The following MAGI3 variants were observed in gnomAD, a reference collection of about 807,000 sequenced individuals.
The protein encoded by MAGI3 is membrane associated guanylate kinase, WW and PDZ domain containing 3, also known as membrane-associated guanylate kinase, WW and PDZ domain-containing protein 3.
A neutral mutation model predicts 121.8 loss-of-function variants in MAGI3; 43 were observed. The ratio of observed to expected loss-of-function variants is 0.35; its 90% CI spans 0.28 to 0.46. The LOEUF (loss-of-function observed/expected upper bound fraction) is 0.46, where lower values mean the gene tolerates loss of function less well. Ranked by LOEUF, MAGI3 falls within the 20% of genes least tolerant of loss-of-function variation. The pLI, the probability that MAGI3 is intolerant of heterozygous loss-of-function variation, is 1.00. For missense variants in MAGI3, 1,547 were observed against 1,797.3 expected, an observed-to-expected ratio of 0.86 and a Z score of 2.52; for synonymous variants, 553 against 639.3, an observed-to-expected ratio of 0.86 and a Z score of 2.04.
At chr1:113,508,676 C>T (rs1044638067) in intron 1 of MAGI3, among the ~76,000 whole-genome samples, 4 of 152,132 alleles carry the variant, frequency 2.6e-5, no homozygotes, top group Admixed American at 1.3e-4. Context: ...TAGTGCTATT[C>T]CTTGTTCTTT....
intron 1 of MAGI3, among the ~76,000 whole-genome samples, chr1:113,528,878 A>G (rs897299988): frequency 2.6e-5 from 4 of 152,230 alleles, no homozygotes; most frequent in African/African-American, 7.2e-5. Flanking sequence ...AATATATGCC[A>G]ATAAGAATGT....
intron 1 of MAGI3, among the ~76,000 whole-genome samples, chr1:113,411,816 A>C (rs2101336660): frequency 6.6e-6 from 1 of 152,152 alleles, no homozygotes. Flanking sequence ...GTTTAAAAAG[A>C]GAGAAGACAG....
chr1:113,517,308 CTT>C (rs1303686775), intron 1 of MAGI3, among the ~76,000 whole-genome samples: 1 of 151,616 alleles, frequency 6.6e-6, no homozygotes, highest in Non-Finnish European at 1.5e-5. Context: ...AAATCTAAAA[CTT>C]TTCTAAAATA....
At chr1:113,638,640 A>G (rs531900675) in intron 9 of MAGI3, among the ~76,000 whole-genome samples, 6 of 152,222 alleles carry the variant, frequency 3.9e-5, no homozygotes, top group South Asian at 4.1e-4. Flanking sequence ...GTCTGCCCCT[A>G]CTGGGGGGTG....
intron 1 of MAGI3, among the ~76,000 whole-genome samples, chr1:113,474,273 T>C (rs141343423): frequency 1.3e-5 from 2 of 152,230 alleles, no homozygotes; most frequent in African/African-American, 4.8e-5. Context: ...TTTAATTAGA[T>C]CCCATTTGTC....
chr1:113,485,108 T>C (rs1016037249), intron 1 of MAGI3, among the ~76,000 whole-genome samples: 5 of 152,158 alleles, frequency 3.3e-5, no homozygotes, highest in African/African-American at 1.2e-4. Flanking sequence ...AACTGCAAAT[T>C]GTGCGCTATA....
chr1:113,479,666 CATT>C (rs1656020173), intron 1 of MAGI3, among the ~76,000 whole-genome samples: 1 of 152,120 alleles, frequency 6.6e-6, no homozygotes, highest in Non-Finnish European at 1.5e-5. Context: ...TGGTTTTCAT[CATT>C]ATTTCTTTAA....
intron 14 of MAGI3, among the ~76,000 whole-genome samples, chr1:113,651,546 G>A (rs1371419122): frequency 6.6e-6 from 1 of 152,176 alleles, no homozygotes; most frequent in Non-Finnish European, 1.5e-5. Flanking sequence ...AGGCTAGAGT[G>A]CAGTGGTATG....
chr1:113,683,683 A>T lies in MAGI3; in HGVS notation c.4115A>T (p.Asn1372Ile). 2 of 1,604,946 alleles carry T rather than the reference A, an allele frequency of 1.2e-6. No homozygotes were observed. The highest frequency in any genetic ancestry group is 1.7e-6 in the Non-Finnish European group (2 of 1,175,520). ...AAATCTCTTCCATCCAAAATGACTA[A>T]TAAGACTACAAGTAAAGAAGTATCT... is the stretch of plus-strand genomic sequence containing the variant. ...VEKSLPSKMT[N>I]KTTSKEVSEN... Residue 1372 changes from asparagine (N) to isoleucine (I), a missense_variant, in exon 21 of 21, where the codon AAT becomes ATT. Asn to Ile is a moderately radical substitution (Grantham distance 149). Transcript: ENST00000307546.
chr1:113,466,367 G>C (rs1379366029), intron 1 of MAGI3, among the ~76,000 whole-genome samples: 1 of 152,104 alleles, frequency 6.6e-6, no homozygotes, highest in Non-Finnish European at 1.5e-5. Flanking sequence ...TCTTTTTAAT[G>C]TGCTGGTGAA....
chr1:113,466,789 G>A (rs940059851), intron 1 of MAGI3, among the ~76,000 whole-genome samples: 1 of 151,806 alleles, frequency 6.6e-6, no homozygotes, highest in African/African-American at 2.4e-5. Context: ...CTATTTCTGT[G>A]GTCTGAGTTG....
chr1:113,556,477 A>C (rs1659997747), intron 2 of MAGI3, among the ~76,000 whole-genome samples: 1 of 152,150 alleles, frequency 6.6e-6, no homozygotes, highest in Admixed American at 6.6e-5. Context: ...CTACAAAAGA[A>C]AACAATATCA....
intron 1 of MAGI3, among the ~76,000 whole-genome samples, chr1:113,414,653 A>AT (rs1318134755): frequency 6.6e-6 from 1 of 151,980 alleles, no homozygotes; most frequent in East Asian, 1.9e-4. Context: ...TTTCTAGTTT[A>AT]TTTGCGTACA....
chr1:113,598,833 T>C (rs114448995), intron 6 of MAGI3, among the ~76,000 whole-genome samples: 2,612 of 152,198 alleles, frequency 0.017, 86 homozygotes, highest in African/African-American at 0.059. Flanking sequence ...CTGACAGATA[T>C]TTACAGAACA....
chr1:113,565,472 G>A (rs1381136422), intron 2 of MAGI3, among the ~76,000 whole-genome samples: 1 of 152,138 alleles, frequency 6.6e-6, no homozygotes, highest in Non-Finnish European at 1.5e-5. Flanking sequence ...TTCCACAACA[G>A]CATTCACTTT....
chr1:113,424,001 T>A (rs1157261129), intron 1 of MAGI3, among the ~76,000 whole-genome samples: 1 of 152,166 alleles, frequency 6.6e-6, no homozygotes, highest in Non-Finnish European at 1.5e-5. Context: ...CAGGCACTTC[T>A]GAGCCCACGG....
intron 1 of MAGI3, among the ~76,000 whole-genome samples, chr1:113,533,710 C>T (rs2101644859): frequency 6.6e-6 from 1 of 152,224 alleles, no homozygotes; most frequent in African/African-American, 2.4e-5. Flanking sequence ...ATACAGATAA[C>T]ACACCGTGTC....
Position 113,683,214 on chromosome 1 carries a change from A to C in MAGI3, c.3646A>C (p.Thr1216Pro), listed in dbSNP as rs1248745083. ...KNLLKVENGV[T>P]RRGRSVSPKK... ...TCTATTAAAAGTAGAAAATGGTGTT[A>C]CACGAAGAGGTAGATCGGTTAGTCC... Residue 1216 changes from threonine (T) to proline (P), a missense_variant, in exon 21 of 21, where the codon ACA becomes CCA. Thr to Pro is a conservative substitution (Grantham distance 38). Coordinates refer to ENST00000307546, the MANE Select transcript of MAGI3 (RefSeq NM_001142782.2). 6.2e-7 allele frequency: 1 copy of C among 1,614,012 alleles called. No homozygotes were observed. The highest frequency in any genetic ancestry group is 1.3e-5 in the African/African-American group (1 of 75,062).
At chr1:113,571,087 G>A (rs1288613199) in intron 2 of MAGI3, among the ~76,000 whole-genome samples, 6 of 152,100 alleles carry the variant, frequency 3.9e-5, no homozygotes, top group Non-Finnish European at 8.8e-5. Context: ...TAAGGAAGGA[G>A]TCCAGTTTCA....
Sources: allele counts gnomAD v4.1 joint callset (sites outside exome capture counted in the v4.1 genomes callset), GRCh38; gene constraint gnomAD v4.1.1; transcripts MANE v1.5; gene names NCBI Gene and HGNC (gene_info 2026-07-23, HGNC 2026-07-21).